Variants in ZMIZ1 observed in about 807,000 individuals in gnomAD.
ZMIZ1 encodes zinc finger MIZ-type containing 1.
In ZMIZ1, 17 loss-of-function variants were observed where a neutral mutation model predicts 113.9. The observed-to-expected ratio is 0.15, with a 90% confidence interval of 0.10 to 0.22. ZMIZ1 has a LOEUF of 0.22. Ranked by LOEUF, ZMIZ1 falls within the 10% of genes least tolerant of loss-of-function variation. ZMIZ1 has a pLI of 1.00. For missense variants in ZMIZ1, 1,059 were observed against 1,477.8 expected (o/e 0.72, Z 4.65); for synonymous variants, 607 against 603.1 (o/e 1.01, Z -0.09).
At chr10:79,197,687 T>C (rs74142337) in intron 4 of ZMIZ1, among the ~76,000 whole-genome samples, 9,749 of 151,026 alleles carry the variant, frequency 0.065, 439 homozygotes, top group East Asian at 0.2. Flanking sequence ...GAGTAAAAAC[T>C]GTAAAGGGAA....
intron 3 of ZMIZ1, among the ~76,000 whole-genome samples, chr10:79,151,737 C>G (rs776265867): frequency 1.3e-5 from 2 of 152,188 alleles, no homozygotes; most frequent in Non-Finnish European, 2.9e-5. Context: ...CACTCAGGCC[C>G]GGGTGGGCCC....
chr10:79,221,496 G>C (rs1389977558), intron 7 of ZMIZ1, among the ~76,000 whole-genome samples: 1 of 152,190 alleles, frequency 6.6e-6, no homozygotes, highest in East Asian at 1.9e-4. Context: ...GCCTGGCCCG[G>C]CATCCTGATG....
At chr10:79,130,550 C>T (rs1844716192) in intron 2 of ZMIZ1, among the ~76,000 whole-genome samples, 1 of 152,228 alleles carries the variant, frequency 6.6e-6, no homozygotes, top group Admixed American at 6.5e-5. Context: ...GCCCCAGCTC[C>T]CAGAGGGCAG....
chr10:79,197,750 T>C (rs1007014045), intron 4 of ZMIZ1, among the ~76,000 whole-genome samples: 1 of 152,104 alleles, frequency 6.6e-6, no homozygotes, highest in African/African-American at 2.4e-5. Flanking sequence ...CTCCAAGCCT[T>C]AGTTTCTTCA....
Position 79,314,250 on chromosome 10 carries a change from C to T in ZMIZ1, c.*1501C>T, listed in dbSNP as rs1464521962. The T allele has an allele frequency of 4.4e-6, 2 of 456,904 alleles. No individual in the cohort carries two copies. The highest frequency in any genetic ancestry group is 8.8e-6 in the Non-Finnish European group (2 of 227,000). 28.3% of individuals were successfully genotyped at this position (456,904 alleles called of 1,614,324 possible). A position where few individuals can be genotyped will look rare whatever the true frequency, so the allele number is the denominator to read the frequency against. ...GTCTGTGCCCCGTGAGCCACATGGCCTAGGGTGATGCCAGGTTGTCCCGTC... is the reference window on the plus strand; with the variant it reads ...GTCTGTGCCCCGTGAGCCACATGGCTTAGGGTGATGCCAGGTTGTCCCGTC... On this transcript the variant is annotated 3_prime_UTR_variant, in exon 25 of 25. Coordinates refer to ENST00000334512, the MANE Select transcript of ZMIZ1 (RefSeq NM_020338.4).
chr10:79,182,513 G>C (rs1273056954), intron 4 of ZMIZ1, among the ~76,000 whole-genome samples: 1 of 152,204 alleles, frequency 6.6e-6, no homozygotes, highest in Non-Finnish European at 1.5e-5. Flanking sequence ...GTGTGCAGGA[G>C]CTAGGAATGT....
At chr10:79,211,746 C>T (rs906038234) in intron 6 of ZMIZ1, among the ~76,000 whole-genome samples, 4 of 152,200 alleles carry the variant, frequency 2.6e-5, no homozygotes, top group Non-Finnish European at 5.9e-5. Context: ...GCACAAGCCC[C>T]GGGCCACCAC....
chr10:79,151,744 G>GC (rs1443866251), intron 3 of ZMIZ1, among the ~76,000 whole-genome samples: 1 of 152,338 alleles, frequency 6.6e-6, no homozygotes, highest in East Asian at 1.9e-4. Flanking sequence ...GCCCGGGTGG[G>GC]CCCCACTGCC....
intron 23 of ZMIZ1, among the ~76,000 whole-genome samples, chr10:79,310,413 C>G (rs1424032220): frequency 6.6e-6 from 1 of 152,220 alleles, no homozygotes; most frequent in Admixed American, 6.5e-5. Flanking sequence ...TCACCCCTGC[C>G]CAGGGCCCAC....
chr10:79,310,329 G>A lies in ZMIZ1; in HGVS notation c.2836-595G>A, dbSNP rs554343859. Among the ~76,000 whole-genome samples, 29 of 152,282 alleles carry A rather than the reference G, an allele frequency of 1.9e-4. No individual in the cohort carries two copies. The South Asian group carries it at 3.7e-3, about 20-fold the overall frequency. On this transcript the variant is annotated intron_variant, in intron 23 of 24. Coordinates refer to ENST00000334512, the MANE Select transcript of ZMIZ1 (RefSeq NM_020338.4). ...CTCCTCTGACAGCCAAATTCCACCC[G>A]CGCTGCAGGGCTTGTGCCAAGGCCC... is the stretch of plus-strand genomic sequence containing the variant.
chr10:79,163,882 T>C (rs1846211930), intron 4 of ZMIZ1, among the ~76,000 whole-genome samples: 1 of 152,224 alleles, frequency 6.6e-6, no homozygotes, highest in African/African-American at 2.4e-5. Flanking sequence ...GCTAATTGTC[T>C]GGTAACCTTT....
intron 4 of ZMIZ1, among the ~76,000 whole-genome samples, chr10:79,164,519 T>C (rs1047527215): frequency 6.6e-6 from 1 of 152,196 alleles, no homozygotes; most frequent in Non-Finnish European, 1.5e-5. Context: ...AGCTCTGTTA[T>C]AATTTGGAGT....
At chr10:79,221,815 G>A (rs929042433) in intron 7 of ZMIZ1, among the ~76,000 whole-genome samples, 7 of 152,208 alleles carry the variant, frequency 4.6e-5, no homozygotes, top group African/African-American at 1.7e-4. Flanking sequence ...AGAGAGGGGA[G>A]GACCCACCCC....
chr10:79,221,269 C>T (rs1041359858), intron 7 of ZMIZ1, among the ~76,000 whole-genome samples: 2 of 149,282 alleles, frequency 1.3e-5, no homozygotes, highest in African/African-American at 4.9e-5. Flanking sequence ...TGCATGCATG[C>T]GTGTGTGTGT....
intron 4 of ZMIZ1, among the ~76,000 whole-genome samples, chr10:79,166,596 G>T (rs533967579): frequency 5.9e-5 from 9 of 152,394 alleles, no homozygotes; most frequent in African/African-American, 1.9e-4. Context: ...ACGAGAGGCG[G>T]CCTGTGCCCA....
chr10:79,154,861 C>G (rs1299313372), intron 3 of ZMIZ1, among the ~76,000 whole-genome samples: 1 of 151,444 alleles, frequency 6.6e-6, no homozygotes, highest in Admixed American at 6.6e-5. Context: ...TTCAGTGCCC[C>G]CATCCCAGCA....
At chr10:79,298,268 A>G in intron 14 of ZMIZ1, 138 bp from the exon 15 acceptor site, 1 of 967,612 alleles carries the variant, frequency 1.0e-6, no homozygotes, top group Non-Finnish European at 1.5e-6. Flanking sequence ...GCGAGAGAGA[A>G]GAGTTTCCCT....
intron 3 of ZMIZ1, among the ~76,000 whole-genome samples, chr10:79,144,304 C>T (rs1333733540): frequency 6.6e-6 from 1 of 152,188 alleles, no homozygotes; most frequent in Non-Finnish European, 1.5e-5. Flanking sequence ...GCAGGAACTG[C>T]ATCCGTCTGA....
chr10:79,272,939 C>T (rs1444466536), intron 7 of ZMIZ1, among the ~76,000 whole-genome samples: 1 of 152,240 alleles, frequency 6.6e-6, no homozygotes, highest in Non-Finnish European at 1.5e-5. Flanking sequence ...CCCCAAGGTC[C>T]TCGGCACCAG....
Sources: allele counts gnomAD v4.1 joint callset (sites outside exome capture counted in the v4.1 genomes callset), GRCh38; gene constraint gnomAD v4.1.1; transcripts MANE v1.5; gene names NCBI Gene and HGNC (gene_info 2026-07-23, HGNC 2026-07-21).